ACO2: variants seen among roughly 807,000 people sequenced by gnomAD.
ACO2 encodes aconitate hydratase, mitochondrial.
ACO2 carries 31 observed loss-of-function variants against 84.5 expected under a neutral mutation model. The ratio of observed to expected loss-of-function variants is 0.37; its 90% confidence interval spans 0.28 to 0.50. The LOEUF (loss-of-function observed/expected upper bound fraction) is 0.50, where lower values mean the gene tolerates loss of function less well. Among genes scored for constraint, ACO2 ranks in the 20% least tolerant of loss-of-function variants. The pLI is 0.97. For synonymous variants in ACO2, 414 were observed against 412.7 expected, an observed-to-expected ratio of 1.00 and a Z score of -0.04; for missense variants, 685 against 1,029.3, an observed-to-expected ratio of 0.67 and a Z score of 4.58.
intron 1 of ACO2, among the ~76,000 whole-genome samples, chr22:41,496,223 G>C (rs944021350): frequency 1.3e-5 from 2 of 152,008 alleles, no homozygotes; most frequent in Admixed American, 6.6e-5. Context: ...ACTGAGGCAG[G>C]AGAATTGCTT....
intron 2 of ACO2, among the ~76,000 whole-genome samples, chr22:41,504,621 T>C (rs1402750282): frequency 6.6e-6 from 1 of 151,870 alleles, no homozygotes; most frequent in African/African-American, 2.4e-5. Flanking sequence ...CGGCGCAGGC[T>C]GTACCTCAGG....
Position 41,515,755 on chromosome 22 carries a change from C to T in ACO2, c.685-12C>T. On this transcript the variant is annotated splice_polypyrimidine_tract_variant and intron_variant, in intron 5 of 17. Coordinates refer to ENST00000216254, the MANE Select transcript of ACO2 (RefSeq NM_001098.3). This position sits in a 1 kb window ranked among gnomAD's most constrained non-coding sequence, Gnocchi z 5.8. ...ACGGCCTCTCACAGCCGCCTCGCCCCCTCCTGTCCAGGTGATTGGCGTGAA... is the reference window on the plus strand; with the variant it reads ...ACGGCCTCTCACAGCCGCCTCGCCCTCTCCTGTCCAGGTGATTGGCGTGAA... 1 of 1,612,996 alleles carries T rather than the reference C, an allele frequency of 6.2e-7. No homozygotes were observed. Among genetic ancestry groups the T allele is most frequent in the Non-Finnish European group, 8.5e-7 (1 of 1,179,928 alleles).
chr22:41,481,294 T>C (rs1307573616), intron 1 of ACO2, among the ~76,000 whole-genome samples: 2 of 152,322 alleles, frequency 1.3e-5, no homozygotes, highest in East Asian at 3.9e-4. Flanking sequence ...ATGATGGCAC[T>C]CTGACAAGTG....
At chr22:41,511,068 C>T (rs113912518) in intron 3 of ACO2, among the ~76,000 whole-genome samples, 1,741 of 152,294 alleles carry the variant, frequency 0.011, 17 homozygotes, top group Non-Finnish European at 0.016. Context: ...TGTAGTGGTG[C>T]GATCTCGGCT....
chr22:41,505,190 G>A (rs1049585041), intron 2 of ACO2, among the ~76,000 whole-genome samples: 17 of 152,000 alleles, frequency 1.1e-4, no homozygotes, highest in Non-Finnish European at 2.5e-4. Flanking sequence ...AAGATCATGT[G>A]AGCCTAGGAG....
chr22:41,506,660 G>A (rs2066395574), intron 2 of ACO2, among the ~76,000 whole-genome samples: 2 of 152,232 alleles, frequency 1.3e-5, no homozygotes, highest in South Asian at 4.1e-4. Flanking sequence ...TAGGATTACA[G>A]GCGTGAGCCA....
chr22:41,506,114 A>T (rs914114529), intron 2 of ACO2, among the ~76,000 whole-genome samples: 2 of 151,620 alleles, frequency 1.3e-5, no homozygotes, highest in Non-Finnish European at 2.9e-5. Context: ...TAGAGACAGC[A>T]TGTCACTCTG....
chr22:41,525,171 G>A (rs747062589), intron 13 of ACO2, 22 bp from the exon 14 acceptor site: 30 of 1,611,520 alleles, frequency 1.9e-5, no homozygotes, highest in South Asian at 1.6e-4. Flanking sequence ...AGCACCCCAC[G>A]CATCCCCATT....
chr22:41,496,743 C>G (rs1601897937), intron 1 of ACO2, among the ~76,000 whole-genome samples: 1 of 152,134 alleles, frequency 6.6e-6, no homozygotes, highest in African/African-American at 2.4e-5. Flanking sequence ...AGCCATCAGT[C>G]AGGTTTGAGC....
intron 2 of ACO2, among the ~76,000 whole-genome samples, chr22:41,500,534 G>A (rs1387293645): frequency 6.6e-6 from 1 of 151,336 alleles, no homozygotes; most frequent in Non-Finnish European, 1.5e-5. Context: ...ACAGGCACCT[G>A]CCACCACACC....
At chr22:41,521,693 G>A (rs553784755) in intron 9 of ACO2, 2 of 151,990 alleles carry the variant, frequency 1.3e-5, no homozygotes, top group African/African-American at 4.8e-5. Flanking sequence ...ATATTTGGTG[G>A]TTTAATAATT....
rs1315213062 is a variant in ACO2 at position 41,527,401 on chromosome 22, G to A, written c.2067G>A (p.Lys689=). The A allele has an allele frequency of 2.5e-6, 4 of 1,612,776 alleles. No individual in the cohort carries two copies. The South Asian group carries it at 3.3e-5, about 13-fold the overall frequency. Residue 689 remains lysine (K), a synonymous_variant, in exon 16 of 18, where the codon AAG becomes AAA. Transcript: ENST00000216254. The part of the protein sequence containing the change: ...RHLGGRAIIT[K]SFARIHETNL... ...TTGGGGGCCGGGCCATCATCACCAAGAGCTTTGCCAGGATCCACGGTGAGC... is the reference window on the plus strand; with the variant it reads ...TTGGGGGCCGGGCCATCATCACCAAAAGCTTTGCCAGGATCCACGGTGAGC...
In ACO2 at chr22:41,528,459, C is replaced by T. The variant is rs1233463665; in HGVS notation, c.2209-20C>T. ...ACACAGTACCCACCACTTCCACCCA[C>T]ACCCACCTTCTCCTTGCAGCCCCTG... On this transcript the variant is annotated intron_variant, in intron 17 of 17. Coordinates refer to ENST00000216254, the MANE Select transcript of ACO2 (RefSeq NM_001098.3). 6.2e-7 allele frequency: 1 copy of T among 1,610,922 alleles called. No homozygotes were observed. The highest frequency in any genetic ancestry group is 2.2e-5 in the East Asian group (1 of 44,860).
At chr22:41,470,509 C>T (rs961322248) in intron 1 of ACO2, among the ~76,000 whole-genome samples, 1 of 148,364 alleles carries the variant, frequency 6.7e-6, no homozygotes, top group South Asian at 2.2e-4. Context: ...AGGATTTGCA[C>T]CTAATTATCT....
Position 41,508,060 on chromosome 22 carries a change from G to A in ACO2, c.432+11G>A. 6.2e-7 allele frequency: 1 copy of A among 1,602,582 alleles called. No individual in the cohort carries two copies. The highest frequency in any genetic ancestry group is 8.5e-7 in the Non-Finnish European group (1 of 1,171,054). The stretch of plus-strand genomic sequence containing the variant: ...CTGCGCCGGGCCAAGGTGAGCAGAA[G>A]GTGGCTTTGGGGGTGGGCAAGTGGG... On this transcript the variant is annotated intron_variant, in intron 3 of 17. Transcript: ENST00000216254.
chr22:41,473,074 T>A (rs1471247128), intron 1 of ACO2, among the ~76,000 whole-genome samples: 1 of 152,224 alleles, frequency 6.6e-6, no homozygotes, highest in Non-Finnish European at 1.5e-5. Flanking sequence ...TTCGCAGATA[T>A]CAGTTGTTAT....
At chr22:41,525,476 G>C in intron 14 of ACO2, 128 bp downstream of exon 14, 2 of 1,224,816 alleles carry the variant, frequency 1.6e-6, no homozygotes, top group Non-Finnish European at 2.3e-6. Context: ...TGGAAGGGAG[G>C]TTTGGCTGCA....
At chr22:41,473,076 AGTT>A (rs1178055024) in intron 1 of ACO2, among the ~76,000 whole-genome samples, 2 of 152,252 alleles carry the variant, frequency 1.3e-5, no homozygotes, top group Non-Finnish European at 2.9e-5. Flanking sequence ...CGCAGATATC[AGTT>A]GTTATTAGAA....
intron 3 of ACO2, among the ~76,000 whole-genome samples, chr22:41,508,874 C>T (rs1433983524): frequency 2.0e-5 from 3 of 152,192 alleles, no homozygotes; most frequent in Admixed American, 6.5e-5. Context: ...GGCAGGGCTG[C>T]GGCCTGTGGG....
Sources: gnomAD v4.1 joint callset for allele counts (sites outside exome capture counted in the v4.1 genomes callset) on GRCh38, gnomAD v4.1.1 for gene constraint, Gnocchi (gnomAD v3.1) non-coding constraint, MANE v1.5 for transcripts, NCBI Gene and HGNC (gene_info 2026-07-23, HGNC 2026-07-21) for gene names.